Variants in DAB1 observed in about 807,000 individuals in gnomAD.
DAB1 encodes the protein disabled homolog 1.
In DAB1, 15 loss-of-function variants were observed where a neutral mutation model predicts 64.6. The observed-to-expected ratio is 0.23, with a 90% confidence interval of 0.16 to 0.36. The LOEUF (loss-of-function observed/expected upper bound fraction) is 0.36. Among genes scored for constraint, DAB1 ranks in the 10% least tolerant of loss-of-function variants. DAB1 has a pLI of 1.00. For missense variants in DAB1, 596 were observed against 706.7 expected, an observed-to-expected ratio of 0.84 and a Z score of 1.78; for synonymous variants, 235 against 251.9, an observed-to-expected ratio of 0.93 and a Z score of 0.64.
intron 3 of DAB1, among the ~76,000 whole-genome samples, chr1:58,392,614 G>T (rs1644485304): frequency 6.6e-6 from 1 of 152,172 alleles, no homozygotes; most frequent in South Asian, 2.1e-4. Flanking sequence ...CTCCACGACT[G>T]CTACCCTCTA....
In DAB1 at chr1:57,729,716, T is replaced by C. The variant is rs140192696; in HGVS notation, n.552-80051A>G. Among the ~76,000 whole-genome samples, 568 of 152,290 alleles carry C rather than the reference T, an allele frequency of 3.7e-3. 3 individuals carry two copies. The highest frequency in any genetic ancestry group is 0.012 in the African/African-American group (516 of 41,542). On this transcript the variant is annotated intron_variant and non_coding_transcript_variant, in intron 6 of 20. Transcript: ENST00000485760. ...TTTCTGCCTTCTGCAAACATTATAA[T>C]TTCGTCAGCAACAGTGAGGGCAACA...
downstream of DAB1, among the ~76,000 whole-genome samples, chr1:57,822,451 C>T (rs964091160): frequency 3.9e-5 from 6 of 152,036 alleles, no homozygotes; most frequent in Non-Finnish European, 7.4e-5. Flanking sequence ...AACCCAAGAG[C>T]TCCAGATGTA....
At chr1:57,442,724 A>G (rs1686000815) in intron 7 of DAB1, among the ~76,000 whole-genome samples, 1 of 152,230 alleles carries the variant, frequency 6.6e-6, no homozygotes, top group Admixed American at 6.5e-5. Context: ...TGCCCAGAAG[A>G]GTCAATGTCC....
chr1:57,047,761 C>G (rs1217044345), intron 9 of DAB1, among the ~76,000 whole-genome samples: 1 of 152,184 alleles, frequency 6.6e-6, no homozygotes, highest in East Asian at 1.9e-4. Flanking sequence ...CAGCTTCGGC[C>G]CCATCCCAGG....
At chr1:57,527,576 A>T (rs1644607920) in intron 7 of DAB1, among the ~76,000 whole-genome samples, 1 of 152,188 alleles carries the variant, frequency 6.6e-6, no homozygotes, top group Non-Finnish European at 1.5e-5. Context: ...GCCTCCTACT[A>T]CATGCATTGA....
At chr1:57,782,995 C>CTCCCTCCT (rs1476071854) in intron 6 of DAB1, among the ~76,000 whole-genome samples, 2 of 143,410 alleles carry the variant, frequency 1.4e-5, no homozygotes, top group South Asian at 2.3e-4. Flanking sequence ...CCCTCCCTCC[C>CTCCCTCCT]TCCTTCCTTC....
chr1:57,462,378 A>C (rs561046711), intron 7 of DAB1, among the ~76,000 whole-genome samples: 1 of 152,176 alleles, frequency 6.6e-6, no homozygotes, highest in Non-Finnish European at 1.5e-5. Context: ...ATCCATAAAA[A>C]ATATTGAAAG....
intron 6 of DAB1, among the ~76,000 whole-genome samples, chr1:57,728,420 C>T (rs182181484): frequency 5.9e-5 from 9 of 152,190 alleles, no homozygotes; most frequent in East Asian, 5.8e-4. Flanking sequence ...GGTGAAACCC[C>T]GGCTCTACTA....
chr1:58,426,555 G>A (rs76190695), intron 3 of DAB1, among the ~76,000 whole-genome samples: 6,456 of 152,232 alleles, frequency 0.042, 199 homozygotes, highest in African/African-American at 0.091. Flanking sequence ...TAGGCTGATG[G>A]CCAGTTTGTT....
chr1:58,172,945 AT>A (rs1169011621), intron 4 of DAB1, among the ~76,000 whole-genome samples: 1 of 152,260 alleles, frequency 6.6e-6, no homozygotes, highest in African/African-American at 2.4e-5. Flanking sequence ...CCCCCATTAA[AT>A]ACCACAAGGA....
intron 6 of DAB1, among the ~76,000 whole-genome samples, chr1:57,685,222 G>C (rs1017800202): frequency 2.0e-5 from 3 of 151,530 alleles, no homozygotes; most frequent in Admixed American, 6.6e-5. Flanking sequence ...AAAGTGCTGG[G>C]ATTATAGGCA....
At chr1:57,804,612 T>C (rs1342689503) in intron 6 of DAB1, among the ~76,000 whole-genome samples, 1 of 152,208 alleles carries the variant, frequency 6.6e-6, no homozygotes, top group African/African-American at 2.4e-5. Context: ...CTGGCTCCAC[T>C]ATTATAACTA....
rs193143890 is a variant in DAB1, at chr1:57,368,007, C to A, written c.-137+55923G>T. ...GGAGGCCCAGGAAGGCTTGGAAATA[C>A]CTGCTCCCATGGCCTGGCTTCTTCC... On this transcript the variant is annotated intron_variant, in intron 1 of 14. Transcript: ENST00000371236. Among the ~76,000 whole-genome samples the A allele has an allele frequency of 1.6e-3, 248 of 152,336 alleles. 1 individual carries two copies. Among genetic ancestry groups the A allele is most frequent in the African/African-American group, 5.5e-3 (227 of 41,584 alleles).
chr1:57,103,072 T>C (rs1457041626), intron 4 of DAB1, among the ~76,000 whole-genome samples: 1 of 152,148 alleles, frequency 6.6e-6, no homozygotes, highest in Non-Finnish European at 1.5e-5. Context: ...AATGGGGCTA[T>C]TTTTAGTTGT....
intron 7 of DAB1, among the ~76,000 whole-genome samples, chr1:57,472,013 G>T (rs1436451335): frequency 6.6e-6 from 1 of 152,188 alleles, no homozygotes; most frequent in Non-Finnish European, 1.5e-5. Flanking sequence ...GAGAAAGAAT[G>T]ATAGCAGTTA....
chr1:57,705,875 T>TG (rs999722366), intron 6 of DAB1, among the ~76,000 whole-genome samples: 1 of 14,856 alleles, frequency 6.7e-5, no homozygotes, highest in African/African-American at 5.5e-4. Context: ...AATACTAGGG[T>TG]TTTTTTTTTT....
At chr1:58,420,743 T>C (rs1416613247) in intron 3 of DAB1, among the ~76,000 whole-genome samples, 3 of 152,190 alleles carry the variant, frequency 2.0e-5, no homozygotes, top group East Asian at 1.9e-4. Context: ...GGTAGGGTTA[T>C]TGTTGGGACA....
At chr1:57,092,715 G>A (rs1653806992) in intron 4 of DAB1, among the ~76,000 whole-genome samples, 1 of 150,834 alleles carries the variant, frequency 6.6e-6, no homozygotes, top group African/African-American at 2.4e-5. Flanking sequence ...AACATGGTGT[G>A]CCAGGTGCCC....
intron 5 of DAB1, among the ~76,000 whole-genome samples, chr1:58,091,225 A>T (rs1279494840): frequency 1.3e-5 from 2 of 152,112 alleles, no homozygotes; most frequent in Non-Finnish European, 2.9e-5. Context: ...AGTTTTATTT[A>T]TTACCCTTTT....
Sources: gnomAD v4.1 joint callset for allele counts (sites outside exome capture counted in the v4.1 genomes callset) on GRCh38, gnomAD v4.1.1 for gene constraint, MANE v1.5 for transcripts, NCBI Gene and HGNC (gene_info 2026-07-23, HGNC 2026-07-21) for gene names.